The following PUM1 variants were observed in gnomAD, a reference collection of about 807,000 sequenced individuals.
PUM1 encodes the protein pumilio homolog 1.
A neutral mutation model predicts 131.8 loss-of-function variants in PUM1; 13 were observed. The observed-to-expected ratio is 0.10, with a 90% CI of 0.06 to 0.16. PUM1 has a LOEUF of 0.16. Ranked by LOEUF, PUM1 falls within the 10% of genes least tolerant of loss-of-function variation. The pLI is 1.00. For synonymous variants in PUM1, 509 were observed against 556.5 expected (o/e 0.91, Z 1.20); for missense variants, 961 against 1,512.4 (o/e 0.64, Z 6.05).
chr1:31,057,737 A>C (rs1003581502), intron 2 of PUM1, among the ~76,000 whole-genome samples: 1 of 151,554 alleles, frequency 6.6e-6, no homozygotes, highest in Non-Finnish European at 1.5e-5. Context: ...AAAAAAAAAA[A>C]AAAAAAAAAA....
At chr1:31,015,105 C>T (rs1228424782) in intron 3 of PUM1, among the ~76,000 whole-genome samples, 2 of 152,124 alleles carry the variant, frequency 1.3e-5, no homozygotes, top group African/African-American at 4.8e-5. Flanking sequence ...GTAAAGACTG[C>T]TTCTCCTCAT....
chr1:31,062,619 CAAAA>C (rs9331237), intron 1 of PUM1, among the ~76,000 whole-genome samples: 22 of 117,204 alleles, frequency 1.9e-4, no homozygotes, highest in Non-Finnish European at 2.5e-4. Flanking sequence ...GACTCCATCT[CAAAA>C]AAAAAAAAAA....
chr1:30,959,443 A>G (rs1180482052), intron 14 of PUM1, among the ~76,000 whole-genome samples: 1 of 152,238 alleles, frequency 6.6e-6, no homozygotes, highest in African/African-American at 2.4e-5. Flanking sequence ...TTAATATCTG[A>G]AAATCAATTA....
chr1:30,992,090 C>T (rs1641814622), intron 7 of PUM1, among the ~76,000 whole-genome samples: 1 of 152,194 alleles, frequency 6.6e-6, no homozygotes, highest in Non-Finnish European at 1.5e-5. Flanking sequence ...ATTAATTTAG[C>T]ACCCGAGAGG....
chr1:30,954,157 T>C (rs922899928), intron 14 of PUM1, among the ~76,000 whole-genome samples, 176 bp from the exon 15 acceptor site: 5 of 152,176 alleles, frequency 3.3e-5, no homozygotes, highest in Admixed American at 2.0e-4. Flanking sequence ...CTCAACAACC[T>C]GGAAGGAAAC....
intron 14 of PUM1, among the ~76,000 whole-genome samples, chr1:30,961,168 G>A (rs1225693282): frequency 6.6e-6 from 1 of 151,552 alleles, no homozygotes; most frequent in Non-Finnish European, 1.5e-5. Flanking sequence ...ATTCCAACCA[G>A]GGCCACAGAG....
intron 4 of PUM1, among the ~76,000 whole-genome samples, 170 bp downstream of exon 4, chr1:31,006,824 T>C (rs1335581148): frequency 1.3e-5 from 2 of 152,240 alleles, no homozygotes; most frequent in African/African-American, 2.4e-5. Context: ...GTGTTAATTA[T>C]GTTTTAATAA....
rs893923569 is a variant in PUM1, at chr1:30,995,743, C to T, written c.721-523G>A. Among the ~76,000 whole-genome samples the T allele has an allele frequency of 2.0e-5, 3 of 152,266 alleles. No homozygotes were observed. The East Asian group carries it at 5.8e-4, about 29-fold the overall frequency. ...AGCCAAGTGTGGTCTAACATCATAT[C>T]AACTCAATTATTCTGTACCTGATCT... On this transcript the variant is annotated intron_variant, in intron 5 of 21. Transcript: ENST00000426105.
At chr1:31,060,128 G>A (rs1470780394) in intron 1 of PUM1, among the ~76,000 whole-genome samples, 1 of 150,334 alleles carries the variant, frequency 6.7e-6, no homozygotes, top group African/African-American at 2.4e-5. Context: ...GATTACAGGC[G>A]TGAGCCACCG....
At chr1:30,966,326 A>G (rs780683561) in intron 12 of PUM1, 48 bp from the exon 13 acceptor site, 2 of 1,500,736 alleles carry the variant, frequency 1.3e-6, no homozygotes, top group South Asian at 1.4e-5. Flanking sequence ...GACTGGCCAC[A>G]TTTCCAAACT....
intron 20 of PUM1, among the ~76,000 whole-genome samples, chr1:30,937,126 T>C (rs1639244016): frequency 1.3e-5 from 2 of 152,202 alleles, no homozygotes; most frequent in Non-Finnish European, 1.5e-5. Context: ...TACTACTGCA[T>C]ACTGACCACC....
chr1:30,992,140 A>G (rs1265002366), intron 7 of PUM1, among the ~76,000 whole-genome samples: 3 of 152,206 alleles, frequency 2.0e-5, no homozygotes, highest in Non-Finnish European at 4.4e-5. Flanking sequence ...TCCACTCCCC[A>G]GCTGCTGAGG....
chr1:30,988,707 G>C (rs1173144586), intron 7 of PUM1, among the ~76,000 whole-genome samples: 1 of 152,124 alleles, frequency 6.6e-6, no homozygotes, highest in Admixed American at 6.5e-5. Context: ...GTACCTCCTT[G>C]TCCTCTTGTA....
At position 30,968,502 on chromosome 1, in the gene PUM1, G is replaced by T; in HGVS notation, c.1507-10C>A. 6.3e-7 allele frequency: 1 copy of T among 1,589,330 alleles called. No homozygotes were observed. Among genetic ancestry groups the T allele is most frequent in the Non-Finnish European group, 8.5e-7 (1 of 1,173,710 alleles). On this transcript the variant is annotated splice_polypyrimidine_tract_variant and intron_variant, in intron 10 of 21. Transcript: ENST00000426105. Reference sequence around the variant, plus strand: ...CTCCTCCACGGAGAACCTGGGAAAGGAAGACAGAAATAACTCAACCACTTT... The same window carrying T: ...CTCCTCCACGGAGAACCTGGGAAAGTAAGACAGAAATAACTCAACCACTTT...
chr1:31,043,037 T>C (rs976068648), intron 2 of PUM1, among the ~76,000 whole-genome samples: 1 of 152,140 alleles, frequency 6.6e-6, no homozygotes, highest in African/African-American at 2.4e-5. Context: ...ATTATCTTTA[T>C]AATTCCCTCC....
Position 31,044,976 on chromosome 1 carries a change from G to A in PUM1, c.363+14228C>T, listed in dbSNP as rs1215543420. On this transcript the variant is annotated intron_variant, in intron 2 of 21. Coordinates refer to ENST00000426105, the MANE Select transcript of PUM1 (RefSeq NM_001020658.2). ...AGGCATGCGCCACCACGCCCAGCTA[G>A]TTTTTGTATTTTTAGTAGAGATGTG... Among the ~76,000 whole-genome samples, 5 of 152,118 alleles carry A rather than the reference G, an allele frequency of 3.3e-5. No individual in the cohort carries two copies. The Middle Eastern group carries it at 0.01, about 310-fold the overall frequency.
At chr1:31,006,826 T>C (rs1452972845) in intron 4 of PUM1, among the ~76,000 whole-genome samples, 168 bp downstream of exon 4, 1 of 152,226 alleles carries the variant, frequency 6.6e-6, no homozygotes, top group East Asian at 1.9e-4. Context: ...GTTAATTATG[T>C]TTTAATAAAT....
chr1:31,059,635 A>G (rs1644323499), intron 1 of PUM1, 58 bp from the exon 2 acceptor site: 5 of 1,508,490 alleles, frequency 3.3e-6, no homozygotes, highest in Non-Finnish European at 4.4e-6. Context: ...CATAAAACAC[A>G]CTAAGATAAA....
intron 3 of PUM1, among the ~76,000 whole-genome samples, chr1:31,024,924 T>C (rs1055682952): frequency 1.3e-5 from 2 of 152,210 alleles, no homozygotes; most frequent in Non-Finnish European, 2.9e-5. Flanking sequence ...AACATCCTTT[T>C]CTAGAATCAT....
Sources: allele counts gnomAD v4.1 joint callset (sites outside exome capture counted in the v4.1 genomes callset), GRCh38; gene constraint gnomAD v4.1.1; transcripts MANE v1.5; gene names NCBI Gene and HGNC (gene_info 2026-07-23, HGNC 2026-07-21).